Variants in NDUFA12 observed in about 807,000 individuals in gnomAD.
NDUFA12 encodes NADH:ubiquinone oxidoreductase subunit A12.
Under a neutral mutation model 20.3 loss-of-function variants are expected in NDUFA12, and 17 were observed. The ratio of observed to expected loss-of-function variants is 0.84; its 90% CI spans 0.57 to 1.26. NDUFA12 has a LOEUF of 1.26. NDUFA12 is among the 50% of genes most tolerant of loss of function. NDUFA12 has a pLI of 0.00. For missense variants in NDUFA12, 191 were observed against 183.7 expected, an observed-to-expected ratio of 1.04 and a Z score of -0.23; for synonymous variants, 72 against 63.6, an observed-to-expected ratio of 1.13 and a Z score of -0.63.
intron 3 of NDUFA12, among the ~76,000 whole-genome samples, chr12:94,988,833 A>G (rs1174038467): frequency 6.6e-6 from 1 of 152,192 alleles, no homozygotes; most frequent in African/African-American, 2.4e-5. Flanking sequence ...GGCGCTCATT[A>G]AAACAGTGTG....
intron 3 of NDUFA12, among the ~76,000 whole-genome samples, chr12:94,979,644 A>T (rs184322256): frequency 2.0e-5 from 3 of 149,688 alleles, no homozygotes; most frequent in African/African-American, 7.4e-5. Flanking sequence ...CAGCCTGGCT[A>T]ACATGGAGAA....
At chr12:94,989,250 A>G (rs1163247705) in intron 3 of NDUFA12, among the ~76,000 whole-genome samples, 1 of 152,144 alleles carries the variant, frequency 6.6e-6, no homozygotes, top group African/African-American at 2.4e-5. Context: ...AATTATATAA[A>G]GGATGTTTTT....
Position 95,002,784 on chromosome 12 carries a change from C to T in NDUFA12, c.124G>A (p.Asp42Asn). 2 of 1,614,056 alleles carry T rather than the reference C, an allele frequency of 1.2e-6. No homozygotes were observed. The highest frequency in any genetic ancestry group is 1.7e-6 in the Non-Finnish European group (2 of 1,179,986). Residue 42 changes from aspartate to asparagine, a missense_variant, in exon 2 of 4, where the codon GAC becomes AAC. Asp to Asn is a conservative substitution (Grantham distance 23). Coordinates refer to ENST00000327772, the MANE Select transcript of NDUFA12 (RefSeq NM_018838.5). ...TCATAGTATTTGTTTCCATATTTGT[C>T]TTCCCCCACTAATGTACCAACCTTC... is the stretch of plus-strand genomic sequence containing the variant. ...DAKVGTLVGEDKYGNKYYEDN... is the reference protein window; with the variant it reads ...DAKVGTLVGENKYGNKYYEDN...
chr12:95,002,891 T>G lies in NDUFA12; in HGVS notation c.87-70A>C, dbSNP rs535736254. 2.2e-4 allele frequency: 306 copies of G among 1,372,216 alleles called. 4 individuals carry two copies. In the East Asian group the frequency reaches 6.9e-3, roughly 31 times the overall value. 85.0% of individuals were successfully genotyped at this position (1,372,216 alleles called of 1,614,324 possible). Reference sequence around the variant, plus strand: ...GTTCAAAACATAAACGGAAATAAAGTGAGAGTAACAACTTTCAGACACAAG... The same window carrying G: ...GTTCAAAACATAAACGGAAATAAAGGGAGAGTAACAACTTTCAGACACAAG... On this transcript the variant is annotated intron_variant, in intron 1 of 3. Coordinates refer to ENST00000327772, the MANE Select transcript of NDUFA12 (RefSeq NM_018838.5).
intron 3 of NDUFA12, among the ~76,000 whole-genome samples, chr12:94,992,790 A>G (rs1874684763): frequency 1.3e-5 from 2 of 152,166 alleles, no homozygotes; most frequent in Non-Finnish European, 2.9e-5. Context: ...AGATGATTCC[A>G]GTGTCCAGAC....
intron 2 of NDUFA12, among the ~76,000 whole-genome samples, chr12:95,000,731 T>G (rs1874994428): frequency 6.6e-6 from 1 of 152,198 alleles, no homozygotes; most frequent in Admixed American, 6.5e-5. Context: ...CTTCCAAAAT[T>G]TAACATGCAC....
At chr12:94,976,189 T>A (rs1362332525) in intron 3 of NDUFA12, among the ~76,000 whole-genome samples, 1 of 152,228 alleles carries the variant, frequency 6.6e-6, no homozygotes, top group African/African-American at 2.4e-5. Context: ...AATATTAACC[T>A]ATTTGATCCT....
chr12:95,000,094 G>A (rs545109509), intron 2 of NDUFA12, among the ~76,000 whole-genome samples: 2 of 152,174 alleles, frequency 1.3e-5, no homozygotes, highest in South Asian at 4.1e-4. Context: ...ATCAGTGAAC[G>A]AGTGGATAAA....
chr12:94,978,600 G>C lies in NDUFA12; in HGVS notation c.258-6980C>G, dbSNP rs146291671. Among the ~76,000 whole-genome samples, 36 of 152,300 alleles carry C rather than the reference G, an allele frequency of 2.4e-4. 1 individual carries two copies. Among genetic ancestry groups the C allele is most frequent in the Middle Eastern group, 3.4e-3 (1 of 294 alleles). On this transcript the variant is annotated intron_variant, in intron 3 of 3. Coordinates refer to ENST00000327772, the MANE Select transcript of NDUFA12 (RefSeq NM_018838.5). Reference sequence around the variant, plus strand: ...TATAAATGTGACTAAACTGCTTAAAGAGATGTATTAACTAAATTTGCAAAT... The same window carrying C: ...TATAAATGTGACTAAACTGCTTAAACAGATGTATTAACTAAATTTGCAAAT...
chr12:94,972,483 G>T (rs1448506711), intron 3 of NDUFA12: 2 of 454,046 alleles, frequency 4.4e-6, no homozygotes, highest in Non-Finnish European at 8.9e-6. Context: ...TAAAACCCAT[G>T]AGGCTCCTGC....
rs369956312 is a variant in NDUFA12, at chr12:94,973,913, A to T, written c.258-2293T>A. On this transcript the variant is annotated intron_variant, in intron 3 of 3. Coordinates refer to ENST00000327772, the MANE Select transcript of NDUFA12 (RefSeq NM_018838.5). ...ATTAAATAAGGGGTAAAAAAAAATCATATCTTTCAGATTGCCACACCAGAG... is the reference window on the plus strand; with the variant it reads ...ATTAAATAAGGGGTAAAAAAAAATCTTATCTTTCAGATTGCCACACCAGAG... Among the ~76,000 whole-genome samples, 12 of 151,466 alleles carry T rather than the reference A, an allele frequency of 7.9e-5. No homozygotes were observed. In the South Asian group the frequency reaches 2.5e-3, roughly 32 times the overall value.
At chr12:94,986,173 T>C (rs1874432647) in intron 3 of NDUFA12, among the ~76,000 whole-genome samples, 1 of 151,982 alleles carries the variant, frequency 6.6e-6, no homozygotes, top group South Asian at 2.1e-4. Flanking sequence ...CACAGCATAT[T>C]GAAGCTGTAG....
intron 2 of NDUFA12, chr12:94,994,500 G>C (rs1874754305): frequency 2.0e-6 from 1 of 506,730 alleles, no homozygotes; most frequent in Non-Finnish European, 3.6e-6. Flanking sequence ...TGGGGCTCAG[G>C]CCTTTCCCAC....
At chr12:94,984,736 A>AAAAAAAAAAAAAAAAAAC (rs36013656) in intron 3 of NDUFA12, among the ~76,000 whole-genome samples, 3 of 74,162 alleles carry the variant, frequency 4.0e-5, no homozygotes, top group Non-Finnish European at 7.2e-5. Context: ...ACAACAAAAA[A>AAAAAAAAAAAAAAAAAAC]CCCATATATA....
At chr12:94,994,585 A>T (rs1874756621) in intron 2 of NDUFA12, among the ~76,000 whole-genome samples, 2 of 152,226 alleles carry the variant, frequency 1.3e-5, no homozygotes, top group South Asian at 4.1e-4. Context: ...GTGTTCCCAG[A>T]TGTACAGGGT....
intron 3 of NDUFA12, among the ~76,000 whole-genome samples, chr12:94,973,464 T>C (rs1016348732): frequency 1.3e-5 from 2 of 152,208 alleles, no homozygotes; most frequent in African/African-American, 4.8e-5. Context: ...GGATTAGCTG[T>C]TAAAGTCAAG....
At chr12:94,973,597 G>C (rs958534276) in intron 3 of NDUFA12, among the ~76,000 whole-genome samples, 2 of 152,176 alleles carry the variant, frequency 1.3e-5, no homozygotes, top group Non-Finnish European at 2.9e-5. Flanking sequence ...CAAGACTCCG[G>C]AAGGTTAAAA....
intron 3 of NDUFA12, among the ~76,000 whole-genome samples, chr12:94,989,815 C>T (rs572496078): frequency 4.6e-5 from 7 of 152,250 alleles, no homozygotes; most frequent in African/African-American, 1.7e-4. Flanking sequence ...CATAATTAAT[C>T]GCACATAATT....
chr12:94,991,129 C>CA (rs922509094), intron 3 of NDUFA12, among the ~76,000 whole-genome samples: 5 of 151,594 alleles, frequency 3.3e-5, no homozygotes, highest in Admixed American at 3.3e-4. Flanking sequence ...ACTAAAAATA[C>CA]AAAAAAATTA....
Sources: gnomAD v4.1 joint callset for allele counts (sites outside exome capture counted in the v4.1 genomes callset) on GRCh38, gnomAD v4.1.1 for gene constraint, MANE v1.5 for transcripts, NCBI Gene and HGNC (gene_info 2026-07-23, HGNC 2026-07-21) for gene names.